Variants in LGR5 observed in about 807,000 individuals in gnomAD.
LGR5 encodes the protein leucine rich repeat containing G protein-coupled receptor 5, also known as leucine-rich repeat-containing G protein-coupled receptor 5.
In LGR5, 54 loss-of-function variants were observed where a neutral mutation model predicts 76.7. The ratio of observed to expected loss-of-function variants is 0.70; its 90% CI spans 0.57 to 0.88. LGR5 has a LOEUF of 0.88. Among genes scored for constraint, LGR5 ranks in the 40% least tolerant of loss-of-function variants. The pLI, the probability that LGR5 is intolerant of heterozygous loss-of-function variation, is 0.00. For synonymous variants in LGR5, 406 were observed against 421.9 expected (o/e 0.96, Z 0.46); for missense variants, 1,078 against 1,073.3 (o/e 1.00, Z -0.06).
chr12:71,549,290 G>T (rs189853566), intron 4 of LGR5, among the ~76,000 whole-genome samples: 1 of 127,496 alleles, frequency 7.8e-6, no homozygotes, highest in East Asian at 2.3e-4. Context: ...CAGGGGCTGG[G>T]AGTGGGAGTG....
rs1278683634 is a variant in LGR5 at position 71,585,837 on chromosome 12, T to G, written c.*1103T>G. 6.6e-6 allele frequency: 1 copy of G among 152,222 alleles called. No individual in the cohort carries two copies. Among genetic ancestry groups the G allele is most frequent in the African/African-American group, 2.4e-5 (1 of 41,450 alleles). 9.4% of individuals were successfully genotyped at this position (152,222 alleles called of 1,614,324 possible). ...ATAACCCACTTGATGTTAGGAACATTACTTCTCTGCTTATTCCATATTAAT... is the reference window on the plus strand; with the variant it reads ...ATAACCCACTTGATGTTAGGAACATGACTTCTCTGCTTATTCCATATTAAT... On this transcript the variant is annotated 3_prime_UTR_variant, in exon 18 of 18. Coordinates refer to ENST00000266674, the MANE Select transcript of LGR5 (RefSeq NM_003667.4).
At position 71,495,077 on chromosome 12, in the gene LGR5, TCGG is replaced by T. The variant is rs1055417493; in HGVS notation, c.213-9536_213-9534del. On this transcript the variant is annotated intron_variant, in intron 1 of 17. Transcript: ENST00000266674. ...CATGGCCCAAGGATTTGGGGCGTAG[TCGG>T]GGGGGGTCTCCTTTGAATCCCACTT... is the stretch of plus-strand genomic sequence containing the variant. Among the ~76,000 whole-genome samples, 23 of 149,006 alleles carry T rather than the reference TCGG, an allele frequency of 1.5e-4. 3 individuals carry two copies. The highest frequency in any genetic ancestry group is 5.8e-4 in the African/African-American group (23 of 39,322).
intron 13 of LGR5, 188 bp downstream of exon 13, chr12:71,573,109 A>G (rs1242690032): frequency 2.0e-5 from 10 of 506,616 alleles, no homozygotes; most frequent in Non-Finnish European, 3.1e-5. Context: ...TAAATTTGCA[A>G]TTATGCTCTC....
chr12:71,461,672 G>T (rs978222625), intron 1 of LGR5, among the ~76,000 whole-genome samples: 16 of 152,180 alleles, frequency 1.1e-4, no homozygotes, highest in African/African-American at 3.6e-4. Context: ...ATTCTTGAAA[G>T]AGAAGGCCAT....
intron 5 of LGR5, among the ~76,000 whole-genome samples, 193 bp from the exon 6 acceptor site, chr12:71,556,424 CTG>C (rs2137419510): frequency 6.6e-6 from 1 of 152,232 alleles, no homozygotes; most frequent in African/African-American, 2.4e-5. Flanking sequence ...AGGTAAAAAA[CTG>C]TGACTGTCTT....
intron 8 of LGR5, among the ~76,000 whole-genome samples, chr12:71,563,438 G>T (rs1878160550): frequency 6.6e-6 from 1 of 152,124 alleles, no homozygotes; most frequent in African/African-American, 2.4e-5. Flanking sequence ...CTTGAAGCAC[G>T]GCAACCATCT....
intron 1 of LGR5, among the ~76,000 whole-genome samples, chr12:71,491,045 C>T (rs777827441): frequency 1.4e-4 from 21 of 152,088 alleles, no homozygotes; most frequent in Non-Finnish European, 2.8e-4. Flanking sequence ...GAGATCTGAT[C>T]GTTTTATAAA....
At chr12:71,553,002 G>A (rs537944515) in intron 4 of LGR5, 71 bp from the exon 5 acceptor site, 52 of 1,433,882 alleles carry the variant, frequency 3.6e-5, no homozygotes, top group Middle Eastern at 2.4e-4. Flanking sequence ...CATGGGGAGG[G>A]TTTTCCTGCA....
intron 7 of LGR5, among the ~76,000 whole-genome samples, chr12:71,560,264 A>G (rs767553824): frequency 2.6e-5 from 4 of 152,248 alleles, no homozygotes; most frequent in South Asian, 4.1e-4. Flanking sequence ...CATATTTTGT[A>G]TATGTATTTT....
intron 11 of LGR5, among the ~76,000 whole-genome samples, chr12:71,568,209 A>G (rs1878441711): frequency 6.6e-6 from 1 of 152,224 alleles, no homozygotes. Flanking sequence ...CTAGAACTGC[A>G]TGAATGGAGG....
chr12:71,454,116 G>C (rs1872364550), intron 1 of LGR5, among the ~76,000 whole-genome samples: 1 of 152,246 alleles, frequency 6.6e-6, no homozygotes, highest in East Asian at 1.9e-4. Context: ...GGATGAGCCT[G>C]TATTATTGTC....
chr12:71,500,109 T>A (rs899511684), intron 1 of LGR5, among the ~76,000 whole-genome samples: 1 of 151,948 alleles, frequency 6.6e-6, no homozygotes, highest in African/African-American at 2.4e-5. Flanking sequence ...TCCACTGTGT[T>A]CCTAGAATAA....
intron 13 of LGR5, 115 bp from the exon 14 acceptor site, chr12:71,577,810 G>T (rs1878923552): frequency 1.5e-6 from 1 of 678,242 alleles, no homozygotes; most frequent in Non-Finnish European, 2.6e-6. Context: ...TAAGTTAATT[G>T]TTTCTGATCT....
rs141334043 is a variant in LGR5, at chr12:71,494,549, C to T, written c.213-10065C>T. Among the ~76,000 whole-genome samples the T allele has an allele frequency of 1.4e-4, 21 of 151,246 alleles. 1 individual carries two copies. The highest frequency in any genetic ancestry group is 3.9e-4 in the African/African-American group (16 of 40,592). On this transcript the variant is annotated intron_variant, in intron 1 of 17. Transcript: ENST00000266674. ...AATTTTATCTAGATTAAAACTTCCC[C>T]GTTGTGGCCACTGCAACTTCAAATT...
intron 16 of LGR5, 53 bp from the exon 17 acceptor site, chr12:71,582,403 G>T (rs2137481562): frequency 3.4e-6 from 5 of 1,451,956 alleles, no homozygotes; most frequent in East Asian, 4.5e-5. Context: ...CTGGGATTTG[G>T]TCCCTTGAAA....
At chr12:71,559,924 A>G (rs1402905734) in intron 7 of LGR5, among the ~76,000 whole-genome samples, 1 of 152,168 alleles carries the variant, frequency 6.6e-6, no homozygotes, top group Non-Finnish European at 1.5e-5. Context: ...TCTAAGCCAT[A>G]CATACTCTCC....
At chr12:71,513,378 C>A (rs1875266396) in intron 2 of LGR5, among the ~76,000 whole-genome samples, 1 of 152,154 alleles carries the variant, frequency 6.6e-6, no homozygotes, top group Non-Finnish European at 1.5e-5. Context: ...AGTGATACAG[C>A]CATTGTGTCC....
Position 71,584,298 on chromosome 12 carries a change from C to G in LGR5, c.2288C>G (p.Ser763Cys), listed in dbSNP as rs1231207306. The stretch of plus-strand genomic sequence containing the variant: ...GACCTGGAGAATATTTGGGACTGCT[C>G]TATGGTAAAACACATTGCCCTGTTG... ...KGDLENIWDC[S>C]MVKHIALLLF... Residue 763 changes from serine (S) to cysteine (C), a missense_variant, in exon 18 of 18, where the codon TCT (serine) becomes TGT (cysteine). By Grantham distance (112) the Ser-to-Cys change is moderately radical (BLOSUM62 -1). Coordinates refer to ENST00000266674, the MANE Select transcript of LGR5 (RefSeq NM_003667.4). 8 of 1,614,042 alleles carry G rather than the reference C, an allele frequency of 5.0e-6. No individual in the cohort carries two copies. Among genetic ancestry groups the G allele is most frequent in the Non-Finnish European group, 5.9e-6 (7 of 1,180,002 alleles).
intron 7 of LGR5, among the ~76,000 whole-genome samples, chr12:71,560,335 A>G (rs1877993126): frequency 6.6e-6 from 1 of 152,228 alleles, no homozygotes; most frequent in Non-Finnish European, 1.5e-5. Flanking sequence ...AAAAATTCTA[A>G]GAAACAGAAA....
Sources: allele counts gnomAD v4.1 joint callset (sites outside exome capture counted in the v4.1 genomes callset), GRCh38; gene constraint gnomAD v4.1.1; transcripts MANE v1.5; gene names NCBI Gene and HGNC (gene_info 2026-07-23, HGNC 2026-07-21).